Variants in STXBP6 observed in about 807,000 individuals in gnomAD.
STXBP6 encodes syntaxin binding protein 6.
In STXBP6, 21 loss-of-function variants were observed where a neutral mutation model predicts 26.9. That is an observed-to-expected ratio of 0.78 (90% CI 0.55 to 1.12). STXBP6 has a LOEUF of 1.12. Among genes scored for constraint, STXBP6 ranks in the 50% most tolerant of loss-of-function variants. The pLI is 0.00. For synonymous variants in STXBP6, 97 were observed against 92.6 expected (o/e 1.05, Z -0.27); for missense variants, 232 against 257.9 (o/e 0.90, Z 0.69).
At chr14:24,925,992 T>C (rs1009697647) in intron 2 of STXBP6, among the ~76,000 whole-genome samples, 8 of 152,150 alleles carry the variant, frequency 5.3e-5, no homozygotes, top group African/African-American at 1.9e-4. Flanking sequence ...TGTTCCTGAG[T>C]GCATTGGATG....
At chr14:24,837,223 T>C (rs996783691) in intron 4 of STXBP6, among the ~76,000 whole-genome samples, 2 of 152,132 alleles carry the variant, frequency 1.3e-5, no homozygotes, top group Admixed American at 6.5e-5. Context: ...CTGTGGAACA[T>C]AGGAAAATTT....
intron 2 of STXBP6, among the ~76,000 whole-genome samples, chr14:24,899,983 A>G (rs1405969952): frequency 6.6e-6 from 1 of 152,128 alleles, no homozygotes; most frequent in Non-Finnish European, 1.5e-5. Context: ...AAATACAGAG[A>G]AGTTATGCAA....
chr14:24,945,951 G>C (rs2072973545), intron 2 of STXBP6, among the ~76,000 whole-genome samples: 2 of 152,172 alleles, frequency 1.3e-5, no homozygotes, highest in Non-Finnish European at 2.9e-5. Flanking sequence ...CAATGATGTG[G>C]ATCGATTAAA....
At chr14:24,825,104 T>C (rs1297419567) in intron 4 of STXBP6, among the ~76,000 whole-genome samples, 1 of 152,140 alleles carries the variant, frequency 6.6e-6, no homozygotes, top group Non-Finnish European at 1.5e-5. Context: ...GTAAACTGAA[T>C]GAAAAGGAGG....
chr14:24,833,684 T>C (rs149630709), intron 4 of STXBP6, among the ~76,000 whole-genome samples: 2 of 152,362 alleles, frequency 1.3e-5, no homozygotes, highest in East Asian at 3.9e-4. Context: ...GCAAATAAAA[T>C]TGCAGTTATG....
At chr14:25,022,320 C>A (rs549324704) in intron 1 of STXBP6, among the ~76,000 whole-genome samples, 1 of 152,250 alleles carries the variant, frequency 6.6e-6, no homozygotes, top group African/African-American at 2.4e-5. Flanking sequence ...CCACATCCTG[C>A]CAAGTTTAAG....
chr14:24,905,288 G>T (rs2139669704), intron 2 of STXBP6, among the ~76,000 whole-genome samples: 1 of 152,256 alleles, frequency 6.6e-6, no homozygotes, highest in African/African-American at 2.4e-5. Flanking sequence ...ATACCCTCAG[G>T]TCAGGTTGTG....
intron 1 of STXBP6, among the ~76,000 whole-genome samples, chr14:25,021,602 T>C (rs533670219): frequency 4.6e-4 from 70 of 152,314 alleles, no homozygotes; most frequent in African/African-American, 1.4e-3. Flanking sequence ...TTCAAACCAG[T>C]TGACATCTTG....
intron 2 of STXBP6, among the ~76,000 whole-genome samples, chr14:24,952,446 T>A (rs1453561060): frequency 6.6e-6 from 1 of 152,160 alleles, no homozygotes. Context: ...ATTGCTAAAT[T>A]TTGCCCAAAT....
intron 4 of STXBP6, among the ~76,000 whole-genome samples, chr14:24,821,568 G>GA (rs1030642874): frequency 1.2e-4 from 18 of 152,308 alleles, no homozygotes; most frequent in African/African-American, 4.3e-4. Context: ...GCATCAGGAT[G>GA]AATTCGAACA....
intron 2 of STXBP6, among the ~76,000 whole-genome samples, chr14:24,884,510 T>C (rs1310892773): frequency 3.3e-5 from 5 of 152,068 alleles, no homozygotes; most frequent in Non-Finnish European, 5.9e-5. Flanking sequence ...CCAAAAGCAA[T>C]AAACAAACAA....
At chr14:24,860,386 T>C (rs1306751668) in intron 2 of STXBP6, among the ~76,000 whole-genome samples, 1 of 152,034 alleles carries the variant, frequency 6.6e-6, no homozygotes, top group Non-Finnish European at 1.5e-5. Flanking sequence ...GAAAGACAAG[T>C]CACTTGCATG....
intron 4 of STXBP6, among the ~76,000 whole-genome samples, chr14:24,854,238 G>T (rs994118740): frequency 3.9e-5 from 6 of 152,046 alleles, no homozygotes; most frequent in Non-Finnish European, 5.9e-5. Flanking sequence ...GAATGAAGGA[G>T]GTAGCTCGTT....
At chr14:24,958,068 T>C (rs2073401203) in intron 2 of STXBP6, among the ~76,000 whole-genome samples, 1 of 152,104 alleles carries the variant, frequency 6.6e-6, no homozygotes, top group African/African-American at 2.4e-5. Context: ...TTAAAACTCA[T>C]TAGAAATATG....
intron 2 of STXBP6, among the ~76,000 whole-genome samples, chr14:24,922,602 A>G (rs552300392): frequency 6.6e-6 from 1 of 152,052 alleles, no homozygotes; most frequent in African/African-American, 2.4e-5. Flanking sequence ...CCCAGGTCCT[A>G]CAAGTACACA....
chr14:24,829,412 C>G (rs2068388225), intron 4 of STXBP6, among the ~76,000 whole-genome samples: 1 of 152,122 alleles, frequency 6.6e-6, no homozygotes, highest in African/African-American at 2.4e-5. Context: ...TTTGACTTTT[C>G]AAATTATGTT....
chr14:24,885,591 A>G (rs1019258867), intron 2 of STXBP6, among the ~76,000 whole-genome samples: 3 of 152,244 alleles, frequency 2.0e-5, no homozygotes, highest in African/African-American at 7.2e-5. Context: ...TGGTTCTTCT[A>G]GTTTCTCTGC....
intron 4 of STXBP6, among the ~76,000 whole-genome samples, chr14:24,846,373 TTC>T (rs1263610076): frequency 6.6e-6 from 1 of 152,208 alleles, no homozygotes; most frequent in Non-Finnish European, 1.5e-5. Flanking sequence ...ATATTTTTCT[TTC>T]TGTTTGTATC....
rs571235178 is a variant in STXBP6 at position 24,989,929 on chromosome 14, TG to T, written c.-32-15080del. Among the ~76,000 whole-genome samples, 8 of 152,278 alleles carry T rather than the reference TG, an allele frequency of 5.3e-5. No homozygotes were observed. In the South Asian group the frequency reaches 1.7e-3, roughly 32 times the overall value. On this transcript the variant is annotated intron_variant, in intron 1 of 5. Coordinates refer to ENST00000323944, the MANE Select transcript of STXBP6 (RefSeq NM_001394410.1). ...GTGGTTACATGTGCCATGTAGTCCA[TG>T]GGTTGCAGAATGGTTCAAATGGATC... is the stretch of plus-strand genomic sequence containing the variant.
Sources: allele counts gnomAD v4.1 joint callset (sites outside exome capture counted in the v4.1 genomes callset), GRCh38; gene constraint gnomAD v4.1.1; transcripts MANE v1.5; gene names NCBI Gene and HGNC (gene_info 2026-07-23, HGNC 2026-07-21).